RANBP2: variants seen among roughly 807,000 people sequenced by gnomAD.
RANBP2 encodes the protein E3 SUMO-protein ligase RanBP2.
A neutral mutation model predicts 303.6 loss-of-function variants in RANBP2; 57 were observed. The observed-to-expected ratio is 0.19, with a 90% CI of 0.15 to 0.23. The LOEUF (loss-of-function observed/expected upper bound fraction) is 0.23. Among genes scored for constraint, RANBP2 ranks in the 10% least tolerant of loss-of-function variants. The pLI is 1.00. For synonymous variants in RANBP2, 1,167 were observed against 1,301.5 expected (o/e 0.90, Z 2.23); for missense variants, 3,138 against 3,780.8 (o/e 0.83, Z 4.46).
At chr2:108,821,885 G>A in the RANBP2 span, among the ~76,000 whole-genome samples, 6 of 145,684 alleles carry the variant, frequency 4.1e-5, no homozygotes, top group African/African-American at 1.3e-4. Flanking sequence ...GTGAGATTGT[G>A]CCACTGCGCT....
chr2:109,324,950 G>A, the RANBP2 span, among the ~76,000 whole-genome samples: 1,334 of 152,312 alleles, frequency 8.8e-3, 24 homozygotes, highest in African/African-American at 0.03. Flanking sequence ...GTAATGACTA[G>A]TATAGACAAA....
At chr2:109,467,157 C>T in the RANBP2 span, among the ~76,000 whole-genome samples, 1 of 152,252 alleles carries the variant, frequency 6.6e-6, no homozygotes, top group South Asian at 2.1e-4. Context: ...GAAGCAGACA[C>T]ACAGGCCTAC....
chr2:109,133,129 A>T, the RANBP2 span, among the ~76,000 whole-genome samples: 1 of 152,348 alleles, frequency 6.6e-6, no homozygotes, highest in Admixed American at 6.5e-5. Flanking sequence ...AGCTCTCAGA[A>T]GGTACCCGTG....
chr2:108,998,315 G>T, the RANBP2 span, among the ~76,000 whole-genome samples: 17 of 152,144 alleles, frequency 1.1e-4, no homozygotes, highest in Non-Finnish European at 2.1e-4. Flanking sequence ...CCCACTGCTA[G>T]GGTCTCCATA....
chr2:109,612,307 C>T, the RANBP2 span, among the ~76,000 whole-genome samples: 1 of 152,170 alleles, frequency 6.6e-6, no homozygotes, highest in East Asian at 1.9e-4. Flanking sequence ...AAGAAGGAGG[C>T]AGGGCAGGAA....
At chr2:109,494,675 C>T in the RANBP2 span, among the ~76,000 whole-genome samples, 4 of 152,148 alleles carry the variant, frequency 2.6e-5, no homozygotes, top group African/African-American at 9.7e-5. Context: ...GTGCAAGGCC[C>T]ACCTGTGATC....
the RANBP2 span, among the ~76,000 whole-genome samples, chr2:109,606,441 T>G: frequency 2.8e-4 from 43 of 151,926 alleles, no homozygotes; most frequent in African/African-American, 1.0e-3. Flanking sequence ...AAATAAAATG[T>G]GATAACACAA....
chr2:109,638,030 T>C, the RANBP2 span, among the ~76,000 whole-genome samples: 1 of 152,170 alleles, frequency 6.6e-6, no homozygotes, highest in Admixed American at 6.5e-5. Context: ...TGTTCTGTGA[T>C]TGTGTAAGAG....
the RANBP2 span, among the ~76,000 whole-genome samples, chr2:109,592,448 G>A: frequency 6.6e-6 from 1 of 151,548 alleles, no homozygotes; most frequent in Non-Finnish European, 1.5e-5. Flanking sequence ...CTGGGCGACA[G>A]AGCAAAGCTC....
chr2:109,063,338 G>A, the RANBP2 span, among the ~76,000 whole-genome samples: 1 of 152,170 alleles, frequency 6.6e-6, no homozygotes, highest in East Asian at 1.9e-4. Context: ...AAAATGCCCT[G>A]TGCCTGGGTT....
the RANBP2 span, among the ~76,000 whole-genome samples, chr2:109,056,903 G>A: frequency 6.6e-6 from 1 of 152,208 alleles, no homozygotes; most frequent in Non-Finnish European, 1.5e-5. Flanking sequence ...CTGTAACATG[G>A]TTAACAGAGT....
At chr2:109,203,408 G>A in the RANBP2 span, among the ~76,000 whole-genome samples, 14 of 152,174 alleles carry the variant, frequency 9.2e-5, no homozygotes, top group Non-Finnish European at 1.2e-4. Context: ...GCGTCCCTAC[G>A]AGCGCATCAC....
chr2:108,849,526 A>G, the RANBP2 span, among the ~76,000 whole-genome samples: 1 of 152,060 alleles, frequency 6.6e-6, no homozygotes, highest in African/African-American at 2.4e-5. Flanking sequence ...TCCCTAGACC[A>G]CAGACAGGCC....
the RANBP2 span, chr2:108,897,092 T>C: frequency 6.2e-7 from 1 of 1,614,046 alleles, no homozygotes; most frequent in East Asian, 2.2e-5. Context: ...ATGCCCCCAA[T>C]CTCATCCCTC....
the RANBP2 span, among the ~76,000 whole-genome samples, chr2:109,371,062 A>G: frequency 1.3e-5 from 2 of 152,202 alleles, no homozygotes; most frequent in South Asian, 4.2e-4. Flanking sequence ...GCTTTCCCAT[A>G]TGGGGCTCTT....
At chr2:109,378,451 T>C in the RANBP2 span, among the ~76,000 whole-genome samples, 1 of 152,218 alleles carries the variant, frequency 6.6e-6, no homozygotes, top group Non-Finnish European at 1.5e-5. Context: ...ATCTTGCCTA[T>C]GAACTAGAGG....
At chr2:109,039,718 C>G in the RANBP2 span, among the ~76,000 whole-genome samples, 1 of 151,712 alleles carries the variant, frequency 6.6e-6, no homozygotes, top group South Asian at 2.1e-4. Flanking sequence ...TCCCTTTTTT[C>G]TTTTTCTTTT....
chr2:109,478,388 T>C, the RANBP2 span, among the ~76,000 whole-genome samples: 3 of 152,226 alleles, frequency 2.0e-5, no homozygotes, highest in Admixed American at 6.5e-5. Context: ...TAAATCAAGA[T>C]GGGCCCTCCA....
At chr2:109,357,000 A>G in the RANBP2 span, among the ~76,000 whole-genome samples, 4 of 152,134 alleles carry the variant, frequency 2.6e-5, no homozygotes, top group Non-Finnish European at 5.9e-5. Flanking sequence ...CTAGCACTGA[A>G]TGCAACATTC....
Sources: gnomAD v4.1 joint callset for allele counts (sites outside exome capture counted in the v4.1 genomes callset) on GRCh38, gnomAD v4.1.1 for gene constraint, MANE v1.5 for transcripts, NCBI Gene and HGNC (gene_info 2026-07-23, HGNC 2026-07-21) for gene names.